The following ROBO1 variants were observed in gnomAD, a reference collection of about 807,000 sequenced individuals.
The protein encoded by ROBO1 is roundabout homolog 1.
A neutral mutation model predicts 195.9 loss-of-function variants in ROBO1; 149 were observed. That is an observed-to-expected ratio of 0.76 (90% confidence interval 0.67 to 0.87). ROBO1 has a LOEUF of 0.87. Ranked by LOEUF, ROBO1 falls within the 40% of genes least tolerant of loss-of-function variation. ROBO1 has a pLI of 0.00. For synonymous variants in ROBO1, 816 were observed against 733.2 expected (o/e 1.11, Z -1.82); for missense variants, 1,933 against 2,068.3 (o/e 0.93, Z 1.27).
At chr3:79,522,519 T>G (rs183688653) in intron 2 of ROBO1, among the ~76,000 whole-genome samples, 75 of 152,276 alleles carry the variant, frequency 4.9e-4, no homozygotes, top group Non-Finnish European at 9.1e-4. Context: ...TTCATCACTT[T>G]GATCACTGAT....
intron 2 of ROBO1, among the ~76,000 whole-genome samples, chr3:79,213,105 A>T (rs1285320985): frequency 6.6e-6 from 1 of 152,010 alleles, no homozygotes; most frequent in Non-Finnish European, 1.5e-5. Context: ...TTAGCCGGGC[A>T]TGGTGGCACA....
At chr3:79,679,816 C>T (rs977071370) in intron 1 of ROBO1, among the ~76,000 whole-genome samples, 2 of 151,828 alleles carry the variant, frequency 1.3e-5, no homozygotes, top group Non-Finnish European at 2.9e-5. Flanking sequence ...ATATTTTTCT[C>T]ACATAGACTA....
rs1278295968 is a variant in ROBO1, at chr3:78,711,313, TTC to T, written c.1045+3082_1045+3083del. Among the ~76,000 whole-genome samples the T allele has an allele frequency of 1.1e-3, 149 of 141,522 alleles. 3 individuals are homozygous for T. Among genetic ancestry groups the T allele is most frequent in the Middle Eastern group, 3.6e-3 (1 of 274 alleles). 92.8% of individuals were successfully genotyped at this position (141,522 alleles called of 152,430 possible). On this transcript the variant is annotated intron_variant, in intron 8 of 30. Transcript: ENST00000464233. ...TCTTTCTTTCTCTTTCTTTCTTTCT[TTC>T]TCTCTCTCTCTCCTTCCTTCCTTCC...
chr3:78,841,227 A>G (rs1416172624), intron 4 of ROBO1, among the ~76,000 whole-genome samples: 1 of 152,168 alleles, frequency 6.6e-6, no homozygotes, highest in Non-Finnish European at 1.5e-5. Context: ...AGGTAAAACT[A>G]AATTACTGTC....
At chr3:78,686,183 G>T (rs1233137064) in intron 9 of ROBO1, among the ~76,000 whole-genome samples, 11 of 152,048 alleles carry the variant, frequency 7.2e-5, no homozygotes, top group African/African-American at 1.9e-4. Context: ...CTCAAATAGG[G>T]TCATTTGAAA....
intron 2 of ROBO1, among the ~76,000 whole-genome samples, chr3:79,238,683 C>T (rs2082457573): frequency 6.6e-6 from 1 of 152,188 alleles, no homozygotes. Context: ...TATGATGATG[C>T]TATAGTGATG....
chr3:78,782,175 T>G (rs1559850056), intron 4 of ROBO1, among the ~76,000 whole-genome samples: 2 of 152,272 alleles, frequency 1.3e-5, no homozygotes, highest in East Asian at 3.9e-4. Context: ...AAATAACCTA[T>G]TAAAATTAAG....
rs1242140166 is a variant in ROBO1 at position 79,121,321 on chromosome 3, C to T, written c.172+4135G>A. Among the ~76,000 whole-genome samples the T allele has an allele frequency of 5.3e-5, 8 of 152,200 alleles. No homozygotes were observed. The East Asian group carries it at 1.4e-3, about 26-fold the overall frequency. On this transcript the variant is annotated intron_variant, in intron 3 of 30. Transcript: ENST00000464233. ...TGTAGGGAGACACAAGAATCAGTGT[C>T]ATCATCAATTGTTTCTTGTTGAAAT... is the stretch of plus-strand genomic sequence containing the variant.
At position 78,941,449 on chromosome 3, in the gene ROBO1, A is replaced by G. The variant is rs569347223; in HGVS notation, c.173-2522T>C. On this transcript the variant is annotated intron_variant, in intron 3 of 30. Coordinates refer to ENST00000464233, the MANE Select transcript of ROBO1 (RefSeq NM_002941.4). ...CCTTTACCTTGGCTGGAATTCTGAA[A>G]GGTGGATACTAAGGAGGATTGACTG... is the stretch of plus-strand genomic sequence containing the variant. Among the ~76,000 whole-genome samples, 21 of 152,340 alleles carry G rather than the reference A, an allele frequency of 1.4e-4. 1 individual carries two copies. Among genetic ancestry groups the G allele is most frequent in the African/African-American group, 5.1e-4 (21 of 41,584 alleles).
chr3:78,856,305 AAAAC>A (rs1421792652), intron 4 of ROBO1, among the ~76,000 whole-genome samples: 2 of 151,756 alleles, frequency 1.3e-5, no homozygotes, highest in Non-Finnish European at 2.9e-5. Flanking sequence ...AAAAAAAAAA[AAAAC>A]AGTATGAGAA....
chr3:79,437,245 G>A (rs2038918731), intron 2 of ROBO1, among the ~76,000 whole-genome samples: 1 of 151,964 alleles, frequency 6.6e-6, no homozygotes. Context: ...GAGATAACTG[G>A]TAAATCAGGG....
At chr3:79,056,454 C>T (rs2078810888) in intron 3 of ROBO1, among the ~76,000 whole-genome samples, 1 of 152,140 alleles carries the variant, frequency 6.6e-6, no homozygotes, top group African/African-American at 2.4e-5. Flanking sequence ...CCACATTCAA[C>T]AGACCACTCC....
chr3:79,089,943 T>TTCTC (rs33965182), intron 3 of ROBO1, among the ~76,000 whole-genome samples: 1 of 5,600 alleles, frequency 1.8e-4, no homozygotes, highest in Admixed American at 2.9e-3. Context: ...TTCTTTCTTT[T>TTCTC]TTTTTTTTTT....
chr3:79,562,424 A>C (rs539507410), intron 2 of ROBO1, among the ~76,000 whole-genome samples: 1 of 152,184 alleles, frequency 6.6e-6, no homozygotes, highest in South Asian at 2.1e-4. Context: ...CTTATGAAAA[A>C]ATGCTCATCA....
chr3:79,027,803 T>C (rs2078227309), intron 3 of ROBO1, among the ~76,000 whole-genome samples: 1 of 152,030 alleles, frequency 6.6e-6, no homozygotes, highest in Non-Finnish European at 1.5e-5. Flanking sequence ...GCTGCTTTAT[T>C]ACACCTAGAA....
intron 2 of ROBO1, among the ~76,000 whole-genome samples, chr3:79,309,289 C>T (rs2033370403): frequency 6.6e-6 from 1 of 152,096 alleles, no homozygotes; most frequent in Non-Finnish European, 1.5e-5. Flanking sequence ...CACTGTGAGG[C>T]TGGGTGCAGT....
At chr3:79,299,959 A>T (rs1300493540) in intron 2 of ROBO1, among the ~76,000 whole-genome samples, 1 of 152,248 alleles carries the variant, frequency 6.6e-6, no homozygotes, top group Non-Finnish European at 1.5e-5. Context: ...ATACCTGTGA[A>T]ATACTTATTT....
intron 2 of ROBO1, among the ~76,000 whole-genome samples, chr3:79,379,545 G>A (rs952081027): frequency 2.0e-5 from 3 of 152,122 alleles, no homozygotes; most frequent in South Asian, 2.1e-4. Flanking sequence ...ATTGGATCAC[G>A]TTAATATACC....
intron 2 of ROBO1, among the ~76,000 whole-genome samples, chr3:79,225,881 T>C (rs892133285): frequency 2.6e-5 from 4 of 152,172 alleles, no homozygotes; most frequent in Non-Finnish European, 5.9e-5. Flanking sequence ...CCATCCAGGA[T>C]ACCATGGTCT....
Sources: gnomAD v4.1 joint callset for allele counts (sites outside exome capture counted in the v4.1 genomes callset) on GRCh38, gnomAD v4.1.1 for gene constraint, MANE v1.5 for transcripts, NCBI Gene and HGNC (gene_info 2026-07-23, HGNC 2026-07-21) for gene names.